Variants in PDE8B observed in about 807,000 individuals in gnomAD.
PDE8B encodes the protein high affinity cAMP-specific and IBMX-insensitive 3',5'-cyclic phosphodiesterase 8B.
In PDE8B, 26 loss-of-function variants were observed where a neutral mutation model predicts 101.3. That is an observed-to-expected ratio of 0.26 (90% confidence interval 0.19 to 0.36). PDE8B has a LOEUF of 0.36. PDE8B is among the 10% of genes least tolerant of loss of function. PDE8B has a pLI of 1.00. For missense variants in PDE8B, 810 were observed against 1,163.1 expected (o/e 0.70, Z 4.42); for synonymous variants, 424 against 429.3 (o/e 0.99, Z 0.15).
rs563030937 is a variant in PDE8B, at chr5:77,356,611, G to A, written c.1167+3205G>A. On this transcript the variant is annotated intron_variant, in intron 10 of 21. Transcript: ENST00000264917. ...TGCCTGGCTAATTTTTGTATTTTTTGTGGAGATAGGGTTTCACCATGTTGG... is the reference window on the plus strand; with the variant it reads ...TGCCTGGCTAATTTTTGTATTTTTTATGGAGATAGGGTTTCACCATGTTGG... Among the ~76,000 whole-genome samples the A allele has an allele frequency of 1.6e-3, 242 of 152,180 alleles. 2 individuals are homozygous for A. The highest frequency in any genetic ancestry group is 5.7e-3 in the African/African-American group (235 of 41,518).
the PDE8B span, among the ~76,000 whole-genome samples, chr5:77,172,107 A>G: frequency 2.0e-5 from 3 of 152,186 alleles, no homozygotes; most frequent in East Asian, 5.8e-4. Context: ...AAAGAAAGGG[A>G]GTCGATTGGA....
chr5:77,329,567 G>T (rs1776719193), intron 4 of PDE8B, among the ~76,000 whole-genome samples: 1 of 152,172 alleles, frequency 6.6e-6, no homozygotes, highest in Non-Finnish European at 1.5e-5. Context: ...ATGCTGGAAG[G>T]CAAAGAAAAG....
intron 1 of PDE8B, among the ~76,000 whole-genome samples, chr5:77,266,005 T>C (rs1761634894): frequency 6.6e-6 from 1 of 152,176 alleles, no homozygotes; most frequent in South Asian, 2.1e-4. Context: ...CTGACTGCGC[T>C]GCTCAGGAAA....
intron 1 of PDE8B, among the ~76,000 whole-genome samples, chr5:77,220,180 A>G (rs530120509): frequency 1.3e-3 from 198 of 152,154 alleles, no homozygotes; most frequent in African/African-American, 4.7e-3. Flanking sequence ...TCTCAGTCAC[A>G]TGTGGAGCCC....
At chr5:77,415,723 C>G (rs1795401744) in intron 17 of PDE8B, among the ~76,000 whole-genome samples, 1 of 152,162 alleles carries the variant, frequency 6.6e-6, no homozygotes, top group Non-Finnish European at 1.5e-5. Context: ...CTAGCATGCC[C>G]AGAGCTAACA....
intron 10 of PDE8B, among the ~76,000 whole-genome samples, chr5:77,394,928 T>C (rs1425086866): frequency 6.6e-6 from 1 of 152,196 alleles, no homozygotes; most frequent in Non-Finnish European, 1.5e-5. Context: ...CAGGCAATTG[T>C]TGATCACCTT....
chr5:77,397,026 ATTT>A lies in PDE8B; in HGVS notation c.1168-3200_1168-3198del, dbSNP rs71606290. Among the ~76,000 whole-genome samples the A allele has an allele frequency of 2.4e-4, 20 of 84,386 alleles. No homozygotes were observed. The East Asian group carries it at 4.6e-3, about 19-fold the overall frequency. 55.4% of individuals were successfully genotyped at this position (84,386 alleles called of 152,430 possible). A position where few individuals can be genotyped will look rare whatever the true frequency, so the allele number is the denominator to read the frequency against. On this transcript the variant is annotated intron_variant, in intron 10 of 21. Transcript: ENST00000264917. The stretch of plus-strand genomic sequence containing the variant: ...TTGGTTTCTATATTTCCGATAAGAA[ATTT>A]TTTTTTTTTTTTTTTTTTTTTGAGG...
the PDE8B span, chr5:77,088,908 T>A: frequency 6.6e-6 from 1 of 152,188 alleles, no homozygotes; most frequent in African/African-American, 2.4e-5. Context: ...TACCCAGTAG[T>A]TCCCTGTCTA....
At chr5:77,243,088 C>A (rs1017353752) in intron 1 of PDE8B, among the ~76,000 whole-genome samples, 1 of 152,092 alleles carries the variant, frequency 6.6e-6, no homozygotes. Context: ...TAAAAGTGGT[C>A]TCTTTTAATC....
chr5:77,402,964 C>G (rs1190345661), intron 11 of PDE8B, among the ~76,000 whole-genome samples: 2 of 152,222 alleles, frequency 1.3e-5, no homozygotes, highest in South Asian at 4.1e-4. Flanking sequence ...GGAATATGAT[C>G]ACTTATTGGC....
At chr5:77,370,617 A>G (rs755597388) in intron 10 of PDE8B, among the ~76,000 whole-genome samples, 6 of 152,216 alleles carry the variant, frequency 3.9e-5, no homozygotes, top group African/African-American at 1.4e-4. Flanking sequence ...GCTGCTGTGA[A>G]TATTCTTATA....
chr5:77,245,528 G>A (rs1396866328), intron 1 of PDE8B, among the ~76,000 whole-genome samples: 2 of 152,152 alleles, frequency 1.3e-5, no homozygotes, highest in African/African-American at 4.8e-5. Flanking sequence ...CAGGAACTTA[G>A]AGTTCAGAGA....
the PDE8B span, among the ~76,000 whole-genome samples, chr5:77,137,163 G>T: frequency 6.6e-6 from 1 of 152,134 alleles, no homozygotes; most frequent in African/African-American, 2.4e-5. Flanking sequence ...TTGCTGACAG[G>T]GGAAAGGAGA....
intron 11 of PDE8B, 76 bp downstream of exon 11, chr5:77,400,366 A>C (rs1467625190): frequency 2.1e-6 from 2 of 972,856 alleles, no homozygotes; most frequent in Non-Finnish European, 3.4e-6. Flanking sequence ...TCTCTGAAGA[A>C]GTCTAAGTTG....
intron 1 of PDE8B, among the ~76,000 whole-genome samples, chr5:77,233,798 GTT>G (rs560799213): frequency 1.7e-4 from 23 of 139,014 alleles, no homozygotes; most frequent in Non-Finnish European, 2.4e-4. Flanking sequence ...GTATGTTTGA[GTT>G]TTTTTTTTTT....
chr5:77,325,761 T>C (rs370163493), intron 3 of PDE8B, 32 bp downstream of exon 3: 1 of 1,455,454 alleles, frequency 6.9e-7, no homozygotes, highest in East Asian at 2.3e-5. Flanking sequence ...GCTTAGTAAA[T>C]GTTCACTTTA....
At chr5:77,143,729 A>G in the PDE8B span, among the ~76,000 whole-genome samples, 1 of 152,162 alleles carries the variant, frequency 6.6e-6, no homozygotes, top group Non-Finnish European at 1.5e-5. Context: ...AGAGGGCAAT[A>G]TTAGAGGAAA....
chr5:77,376,830 C>T (rs774002581), intron 10 of PDE8B, among the ~76,000 whole-genome samples: 4 of 152,126 alleles, frequency 2.6e-5, no homozygotes, highest in Non-Finnish European at 4.4e-5. Flanking sequence ...TAATCAAGTG[C>T]AAATGAAGGC....
intron 20 of PDE8B, among the ~76,000 whole-genome samples, chr5:77,423,617 CTTTTG>C (rs147848888): frequency 0.18 from 19,016 of 106,584 alleles, 2,168 homozygotes; most frequent in Non-Finnish European, 0.25. Context: ...TGATGCTGGA[CTTTTG>C]TTTTGTTTAG....
Sources: allele counts gnomAD v4.1 joint callset (sites outside exome capture counted in the v4.1 genomes callset), GRCh38; gene constraint gnomAD v4.1.1; transcripts MANE v1.5; gene names NCBI Gene and HGNC (gene_info 2026-07-23, HGNC 2026-07-21).